PLEKHA6: variants seen among roughly 807,000 people sequenced by gnomAD.
PLEKHA6 encodes the protein pleckstrin homology domain-containing family A member 6.
Under a neutral mutation model 116.7 loss-of-function variants are expected in PLEKHA6, and 60 were observed. The ratio of observed to expected loss-of-function variants is 0.51; its 90% CI spans 0.42 to 0.64. The LOEUF (loss-of-function observed/expected upper bound fraction) is 0.64, where lower values mean the gene tolerates loss of function less well. PLEKHA6 is among the 30% of genes least tolerant of loss of function. PLEKHA6 has a pLI of 0.00. For synonymous variants in PLEKHA6, 489 were observed against 556.1 expected (o/e 0.88, Z 1.70); for missense variants, 1,338 against 1,422.7 (o/e 0.94, Z 0.96).
intron 17 of PLEKHA6, among the ~76,000 whole-genome samples, chr1:204,231,132 T>G (rs6683388): frequency 0.52 from 78,489 of 152,028 alleles, 20,905 homozygotes; most frequent in African/African-American, 0.66. Flanking sequence ...TGGGAAGGGG[T>G]TGCTGCTATA....
chr1:204,247,043 G>A (rs1473022277), intron 13 of PLEKHA6, among the ~76,000 whole-genome samples: 1 of 152,154 alleles, frequency 6.6e-6, no homozygotes, highest in Non-Finnish European at 1.5e-5. Context: ...GGCTGAGGTG[G>A]GAGGATTGCT....
intron 9 of PLEKHA6, among the ~76,000 whole-genome samples, chr1:204,252,444 C>A (rs1446440833): frequency 6.6e-6 from 1 of 151,802 alleles, no homozygotes; most frequent in Non-Finnish European, 1.5e-5. Context: ...TGGGAAAGGA[C>A]CAAAAAGTGA....
chr1:204,225,712 G>A (rs1469833412), intron 21 of PLEKHA6, among the ~76,000 whole-genome samples: 2 of 152,074 alleles, frequency 1.3e-5, no homozygotes, highest in Non-Finnish European at 2.9e-5. Context: ...ATACCACCTG[G>A]ATTCATAAAT....
chr1:204,223,735 C>T lies in PLEKHA6; in HGVS notation c.3032-150G>A. On this transcript the variant is annotated intron_variant, in intron 21 of 22. Transcript: ENST00000272203. This position sits in a 1 kb window ranked among gnomAD's most constrained non-coding sequence, Gnocchi z 4.8. Reference sequence around the variant, plus strand: ...GAGCTTGGAGCTTGCTCAAGCTAGGCCAAGCTGTCCTCATTCCCAGGGCGT... The same window carrying T: ...GAGCTTGGAGCTTGCTCAAGCTAGGTCAAGCTGTCCTCATTCCCAGGGCGT... The T allele has an allele frequency of 1.6e-6, 1 of 609,154 alleles. No individual in the cohort carries two copies. Among genetic ancestry groups the T allele is most frequent in the South Asian group, 2.0e-5 (1 of 50,702 alleles). The allele number at this position is 609,154 out of a possible 1,614,324, so 37.7% of individuals were successfully genotyped here.
intron 21 of PLEKHA6, among the ~76,000 whole-genome samples, chr1:204,225,498 C>T (rs577530917): frequency 5.9e-5 from 9 of 152,216 alleles, no homozygotes; most frequent in Non-Finnish European, 1.3e-4. Flanking sequence ...TGACACTGTA[C>T]TTTCTCCCAG....
chr1:204,342,331 A>G (rs748863323), intron 1 of PLEKHA6, among the ~76,000 whole-genome samples: 5 of 152,220 alleles, frequency 3.3e-5, no homozygotes, highest in Non-Finnish European at 7.3e-5. Flanking sequence ...GCAAAAACAA[A>G]CAAACAAACA....
At chr1:204,324,163 C>G (rs1413849397) in intron 1 of PLEKHA6, among the ~76,000 whole-genome samples, 1 of 152,150 alleles carries the variant, frequency 6.6e-6, no homozygotes, top group African/African-American at 2.4e-5. Context: ...TGCACGAGGA[C>G]TTCAGGAGCC....
At chr1:204,308,637 C>T (rs1471123370) in intron 1 of PLEKHA6, among the ~76,000 whole-genome samples, 1 of 151,698 alleles carries the variant, frequency 6.6e-6, no homozygotes, top group Non-Finnish European at 1.5e-5. Flanking sequence ...TTGCTCTTCC[C>T]ACTACCTCCA....
At chr1:204,348,714 A>ACCCCCCCCCCCTC (rs3038282) in intron 1 of PLEKHA6, among the ~76,000 whole-genome samples, 1 of 136,642 alleles carries the variant, frequency 7.3e-6, no homozygotes, top group Non-Finnish European at 1.5e-5. Flanking sequence ...CAGGTGCCAA[A>ACCCCCCCCCCCTC]CCCCCCCCCC....
rs1219171608 is a variant in PLEKHA6 at position 204,247,371 on chromosome 1, G to A, written c.1914C>T (p.Asp638=). 6.2e-7 allele frequency: 1 copy of A among 1,606,500 alleles called. No homozygotes were observed. Residue 638 remains aspartate (D), a synonymous_variant, in exon 13 of 23, where the codon GAC becomes GAT. Coordinates refer to ENST00000272203, the MANE Select transcript of PLEKHA6 (RefSeq NM_014935.5). ...CTCAGGGGCCCTTCTTCACCTGGGT[G>A]TCCAAATTGAGCTGCTCCCAGAGGT... ...HDDLWEQLNL[D]TQNEVLNRQI... is the part of the protein sequence containing the mutation.
At chr1:204,251,511 C>A (rs1449510520) in intron 9 of PLEKHA6, 1 of 702,280 alleles carries the variant, frequency 1.4e-6, no homozygotes, top group Non-Finnish European at 2.6e-6. Context: ...AGGGACCATG[C>A]TGCCAGGCAG....
chr1:204,274,595 G>A (rs1196714315), intron 2 of PLEKHA6, 134 bp downstream of exon 2: 2 of 985,638 alleles, frequency 2.0e-6, no homozygotes, highest in Non-Finnish European at 2.4e-6. Context: ...CCTCAGAACC[G>A]AGGTGAGTCA....
intron 1 of PLEKHA6, chr1:204,282,541 G>T: frequency 1.6e-6 from 1 of 612,978 alleles, no homozygotes; most frequent in Non-Finnish European, 2.0e-6. Flanking sequence ...AAGAGTTAAT[G>T]CCTGGCACCA....
intron 21 of PLEKHA6, among the ~76,000 whole-genome samples, chr1:204,226,679 A>G (rs1046799790): frequency 1.3e-5 from 2 of 152,126 alleles, no homozygotes; most frequent in African/African-American, 4.8e-5. Flanking sequence ...TCTCCCTGAA[A>G]TACCTCCAAG....
At position 204,251,862 on chromosome 1, in the gene PLEKHA6, G is replaced by A. The variant is rs547845194; in HGVS notation, c.1525-1248C>T. 2.6e-5 allele frequency among the ~76,000 whole-genome samples: 4 copies of A among 152,284 alleles called. No homozygotes were observed. In the South Asian group the frequency reaches 8.3e-4, roughly 32 times the overall value. ...TGCTGGAGGCACTGCAGAGGCTGGG[G>A]CCTGGTGACTCTTCCCCAGGGTGCC... is the stretch of plus-strand genomic sequence containing the variant. On this transcript the variant is annotated intron_variant, in intron 9 of 22. Transcript: ENST00000272203.
At chr1:204,252,730 T>C (rs1664729884) in intron 9 of PLEKHA6, among the ~76,000 whole-genome samples, 1 of 152,230 alleles carries the variant, frequency 6.6e-6, no homozygotes, top group Admixed American at 6.5e-5. Flanking sequence ...GCCTTGCTTC[T>C]ACATGTTGTA....
intron 17 of PLEKHA6, 22 bp downstream of exon 17, chr1:204,241,353 A>G: frequency 1.4e-6 from 2 of 1,469,818 alleles, no homozygotes; most frequent in Non-Finnish European, 1.9e-6. Flanking sequence ...TCAGGCCTGC[A>G]TGAGCTTGCA....
chr1:204,341,333 A>G (rs1459536696), intron 1 of PLEKHA6, among the ~76,000 whole-genome samples: 1 of 152,230 alleles, frequency 6.6e-6, no homozygotes, highest in African/African-American at 2.4e-5. Context: ...CTGAACCAGG[A>G]TCTGTGGGGG....
chr1:204,254,231 T>G (rs1006327968), intron 9 of PLEKHA6, among the ~76,000 whole-genome samples: 4 of 152,232 alleles, frequency 2.6e-5, no homozygotes, highest in Admixed American at 6.5e-5. Context: ...ATGCTCATGG[T>G]GTGGACACAA....
Sources: allele counts gnomAD v4.1 joint callset (sites outside exome capture counted in the v4.1 genomes callset), GRCh38; gene constraint gnomAD v4.1.1; non-coding constraint Gnocchi (gnomAD v3.1); transcripts MANE v1.5; gene names NCBI Gene and HGNC (gene_info 2026-07-23, HGNC 2026-07-21).